PDE7B: variants seen among roughly 807,000 people sequenced by gnomAD.
PDE7B encodes the protein 3',5'-cyclic-AMP phosphodiesterase 7B.
PDE7B carries 29 observed loss-of-function variants against 56.2 expected under a neutral mutation model. The ratio of observed to expected loss-of-function variants is 0.52; its 90% CI spans 0.38 to 0.70. The LOEUF is 0.70. Among genes scored for constraint, PDE7B ranks in the 30% least tolerant of loss-of-function variants. PDE7B has a pLI of 0.00. For synonymous variants in PDE7B, 197 were observed against 196.9 expected (o/e 1.00, Z 0.00); for missense variants, 490 against 565.0 (o/e 0.87, Z 1.35).
chr6:136,189,020 C>A (rs1779182323), intron 12 of PDE7B, among the ~76,000 whole-genome samples: 1 of 152,074 alleles, frequency 6.6e-6, no homozygotes, highest in Admixed American at 6.6e-5. Context: ...AGGCTCTAGC[C>A]CCCAAGACAA....
intron 2 of PDE7B, among the ~76,000 whole-genome samples, chr6:136,058,308 G>T (rs1239405617): frequency 6.6e-6 from 1 of 152,126 alleles, no homozygotes; most frequent in East Asian, 1.9e-4. Context: ...TCAGAGTTTG[G>T]ATAATCTTCA....
At chr6:135,938,877 AAAAAAT>A (rs1253741707) in intron 1 of PDE7B, among the ~76,000 whole-genome samples, 13 of 152,332 alleles carry the variant, frequency 8.5e-5, no homozygotes, top group Non-Finnish European at 1.2e-4. Context: ...TTAATAACTA[AAAAAAT>A]AAAAATAAAA....
At chr6:135,883,839 T>C (rs1418446297) in intron 1 of PDE7B, among the ~76,000 whole-genome samples, 1 of 152,202 alleles carries the variant, frequency 6.6e-6, no homozygotes, top group Non-Finnish European at 1.5e-5. Flanking sequence ...CACTCTGATG[T>C]ACTCAGATCA....
At chr6:136,013,745 T>G (rs1354308616) in intron 2 of PDE7B, among the ~76,000 whole-genome samples, 1 of 152,234 alleles carries the variant, frequency 6.6e-6, no homozygotes, top group Non-Finnish European at 1.5e-5. Flanking sequence ...CAATCCAGCA[T>G]GTCAGGAATA....
At chr6:136,114,540 C>T (rs147804409) in intron 3 of PDE7B, among the ~76,000 whole-genome samples, 1 of 152,312 alleles carries the variant, frequency 6.6e-6, no homozygotes, top group Non-Finnish European at 1.5e-5. Context: ...TTCCAGACTC[C>T]ATTTCCTATG....
chr6:136,170,428 C>T (rs1179274657), intron 8 of PDE7B, among the ~76,000 whole-genome samples: 1 of 152,096 alleles, frequency 6.6e-6, no homozygotes, highest in Non-Finnish European at 1.5e-5. Context: ...AAACTAAACC[C>T]TGTGCCCATT....
chr6:136,075,019 C>A (rs1476077258), intron 2 of PDE7B, among the ~76,000 whole-genome samples: 1 of 152,148 alleles, frequency 6.6e-6, no homozygotes, highest in Non-Finnish European at 1.5e-5. Flanking sequence ...TATGCAAGAT[C>A]ATTCAATTGT....
chr6:136,151,961 T>G, intron 6 of PDE7B, among the ~76,000 whole-genome samples: 1 of 151,962 alleles, frequency 6.6e-6, no homozygotes, highest in East Asian at 1.9e-4. Context: ...AATAAATAAA[T>G]AAATGACAGG....
intron 2 of PDE7B, 31 bp downstream of exon 2, chr6:135,947,555 A>G (rs1774615499): frequency 4.0e-6 from 6 of 1,509,220 alleles, no homozygotes; most frequent in Non-Finnish European, 5.5e-6. Flanking sequence ...AAATATATTA[A>G]GCATGTTGAT....
At chr6:136,050,617 T>C (rs913503666) in intron 2 of PDE7B, among the ~76,000 whole-genome samples, 9 of 152,172 alleles carry the variant, frequency 5.9e-5, no homozygotes, top group South Asian at 2.1e-4. Context: ...TAAGTGGCTA[T>C]TGTGGCTTGG....
At chr6:136,095,334 A>G (rs1777455523) in intron 2 of PDE7B, among the ~76,000 whole-genome samples, 1 of 152,120 alleles carries the variant, frequency 6.6e-6, no homozygotes, top group East Asian at 1.9e-4. Context: ...TATGTAATAC[A>G]TATGTTCTAT....
At chr6:136,163,771 C>A (rs954246477) in intron 8 of PDE7B, among the ~76,000 whole-genome samples, 1 of 152,228 alleles carries the variant, frequency 6.6e-6, no homozygotes, top group Non-Finnish European at 1.5e-5. Context: ...ATCTCTAGAA[C>A]AGGGGCAAAA....
chr6:136,008,081 G>A (rs1583825449), intron 2 of PDE7B, among the ~76,000 whole-genome samples: 1 of 151,478 alleles, frequency 6.6e-6, no homozygotes, highest in African/African-American at 2.4e-5. Context: ...AGAACGTGCA[G>A]TGTTTGGTTT....
intron 2 of PDE7B, among the ~76,000 whole-genome samples, chr6:136,052,987 T>C (rs6940424): frequency 0.034 from 5,237 of 152,256 alleles, 311 homozygotes; most frequent in African/African-American, 0.12. Flanking sequence ...CTCCACTGAA[T>C]GGTCTCTATG....
chr6:136,120,529 A>G (rs948481692), intron 3 of PDE7B, among the ~76,000 whole-genome samples: 1 of 152,126 alleles, frequency 6.6e-6, no homozygotes, highest in Non-Finnish European at 1.5e-5. Context: ...AAAGGAGGCA[A>G]CTCTCCTAAC....
intron 2 of PDE7B, among the ~76,000 whole-genome samples, chr6:136,017,411 A>G (rs556209257): frequency 2.0e-5 from 3 of 152,220 alleles, no homozygotes; most frequent in South Asian, 4.1e-4. Context: ...TTACATATGT[A>G]TACATATGCC....
intron 1 of PDE7B, 43 bp from the exon 2 acceptor site, chr6:135,947,421 G>A (rs759724476): frequency 8.4e-6 from 12 of 1,430,000 alleles, no homozygotes; most frequent in African/African-American, 1.4e-5. Context: ...TGGGAATCTT[G>A]ATATGAAATC....
chr6:135,939,684 G>T (rs559096626), intron 1 of PDE7B, among the ~76,000 whole-genome samples: 34 of 152,286 alleles, frequency 2.2e-4, no homozygotes, highest in African/African-American at 7.2e-4. Flanking sequence ...TGTATCTTCT[G>T]GGAGCTGGGG....
intron 2 of PDE7B, among the ~76,000 whole-genome samples, chr6:136,024,993 G>A (rs1483321219): frequency 1.3e-5 from 2 of 152,144 alleles, no homozygotes; most frequent in Non-Finnish European, 2.9e-5. Context: ...GGGGGAAAAC[G>A]TGACTTTACC....
Sources: allele counts gnomAD v4.1 joint callset (sites outside exome capture counted in the v4.1 genomes callset), GRCh38; gene constraint gnomAD v4.1.1; transcripts MANE v1.5; gene names NCBI Gene and HGNC (gene_info 2026-07-23, HGNC 2026-07-21).